The following ERC2 variants were observed in gnomAD, a reference collection of about 807,000 sequenced individuals.
ERC2 encodes ELKS/RAB6-interacting/CAST family member 2.
A neutral mutation model predicts 114.8 loss-of-function variants in ERC2; 42 were observed. The observed-to-expected ratio is 0.37, with a 90% confidence interval of 0.29 to 0.47. The LOEUF (loss-of-function observed/expected upper bound fraction) is 0.47, where lower values mean the gene tolerates loss of function less well. Ranked by LOEUF, ERC2 falls within the 20% of genes least tolerant of loss-of-function variation. The pLI is 0.99. For missense variants in ERC2, 939 were observed against 1,150.7 expected (o/e 0.82, Z 2.66); for synonymous variants, 454 against 425.5 (o/e 1.07, Z -0.82).
rs530304371 is a variant in ERC2, at chr3:56,011,736, G to A, written c.1780-1147C>T. Among the ~76,000 whole-genome samples the A allele has an allele frequency of 6.9e-4, 105 of 152,198 alleles. 1 individual carries two copies. Among genetic ancestry groups the A allele is most frequent in the South Asian group, 1.2e-3 (6 of 4,822 alleles). ...TCTAAACTTCCTCTCGGATGGCCAT[G>A]TTAAAAAATACTGGTGCAACAACTG... On this transcript the variant is annotated intron_variant, in intron 8 of 17. Transcript: ENST00000288221.
At chr3:55,572,281 C>T (rs938136229) in intron 17 of ERC2, among the ~76,000 whole-genome samples, 42 of 152,306 alleles carry the variant, frequency 2.8e-4, no homozygotes, top group African/African-American at 9.4e-4. Context: ...CACCTCGGTC[C>T]CTGGGCCAGC....
rs1218649808 is a variant in ERC2, at chr3:55,743,542, T to C, written c.2565-8624A>G. ...ATGGGAGGGACCATTGTCCCAGGTC[T>C]TGGCAGTGGACATGTGTGAGGCATT... On this transcript the variant is annotated intron_variant, in intron 14 of 17. Transcript: ENST00000288221. Among the ~76,000 whole-genome samples, 3 of 145,994 alleles carry C rather than the reference T, an allele frequency of 2.1e-5. No homozygotes were observed. The East Asian group carries it at 6.1e-4, about 30-fold the overall frequency.
chr3:56,038,538 A>G (rs2074945963), intron 7 of ERC2, among the ~76,000 whole-genome samples: 1 of 152,152 alleles, frequency 6.6e-6, no homozygotes, highest in Non-Finnish European at 1.5e-5. Flanking sequence ...TTCCTCAAAG[A>G]CCTAGAACCA....
intron 13 of ERC2, among the ~76,000 whole-genome samples, chr3:55,918,569 C>A (rs2065234418): frequency 6.6e-6 from 1 of 151,784 alleles, no homozygotes; most frequent in Admixed American, 6.6e-5. Flanking sequence ...CTTGCTTAGA[C>A]CAATAGAATG....
intron 14 of ERC2, among the ~76,000 whole-genome samples, chr3:55,816,322 G>A (rs147522117): frequency 1.3e-5 from 2 of 152,164 alleles, no homozygotes; most frequent in Non-Finnish European, 2.9e-5. Flanking sequence ...GAAAGCTGCT[G>A]AAAGTTAGCA....
At chr3:56,323,745 G>A (rs2057231986) in intron 2 of ERC2, among the ~76,000 whole-genome samples, 2 of 152,030 alleles carry the variant, frequency 1.3e-5, no homozygotes, top group East Asian at 3.9e-4. Context: ...AATATCTAAG[G>A]GCAGCCAGCC....
chr3:55,752,936 A>C (rs1383630267), intron 14 of ERC2, among the ~76,000 whole-genome samples: 1 of 152,198 alleles, frequency 6.6e-6, no homozygotes, highest in Non-Finnish European at 1.5e-5. Context: ...CGTCAGTAAG[A>C]GCAGCCGACC....
At chr3:55,699,914 T>C (rs1026254768) in intron 15 of ERC2, among the ~76,000 whole-genome samples, 4 of 152,046 alleles carry the variant, frequency 2.6e-5, no homozygotes, top group African/African-American at 9.7e-5. Context: ...TATGGAAAGA[T>C]GGGAAGGGCT....
intron 17 of ERC2, among the ~76,000 whole-genome samples, chr3:55,569,926 C>T (rs1214483328): frequency 6.9e-6 from 1 of 145,724 alleles, no homozygotes; most frequent in East Asian, 2.0e-4. Flanking sequence ...GGTGCAATCT[C>T]AGTTCACTGC....
At chr3:55,562,147 C>T (rs1395292392) in intron 17 of ERC2, among the ~76,000 whole-genome samples, 3 of 152,078 alleles carry the variant, frequency 2.0e-5, no homozygotes, top group South Asian at 2.1e-4. Context: ...AAAATTCTCC[C>T]GCTGCCTTCT....
chr3:55,955,246 G>GA (rs2067865430), intron 12 of ERC2: 1 of 430,694 alleles, frequency 2.3e-6, no homozygotes, highest in African/African-American at 2.6e-5. Flanking sequence ...ATGGTGGTGT[G>GA]TTTGTGTGTG....
At chr3:56,244,206 G>A (rs1383157008) in intron 3 of ERC2, among the ~76,000 whole-genome samples, 5 of 152,008 alleles carry the variant, frequency 3.3e-5, no homozygotes, top group Non-Finnish European at 7.4e-5. Flanking sequence ...ACAGCAGCAC[G>A]AGGCATTACT....
intron 12 of ERC2, among the ~76,000 whole-genome samples, chr3:55,972,494 T>G (rs2069241808): frequency 6.6e-6 from 1 of 152,212 alleles, no homozygotes; most frequent in African/African-American, 2.4e-5. Flanking sequence ...ATTCTCACTA[T>G]TCAACTCCCA....
At chr3:55,546,000 A>G (rs962754847) in intron 17 of ERC2, among the ~76,000 whole-genome samples, 1 of 152,188 alleles carries the variant, frequency 6.6e-6, no homozygotes, top group African/African-American at 2.4e-5. Flanking sequence ...AAGAGAATAC[A>G]TGGACGGAAA....
intron 2 of ERC2, among the ~76,000 whole-genome samples, chr3:56,309,660 C>T (rs1046649028): frequency 1.9e-4 from 29 of 152,134 alleles, no homozygotes; most frequent in African/African-American, 7.0e-4. Flanking sequence ...GCTACTCATC[C>T]GTAAACAGGA....
chr3:56,098,793 C>T (rs1390348431), intron 6 of ERC2, among the ~76,000 whole-genome samples: 1 of 152,120 alleles, frequency 6.6e-6, no homozygotes, highest in Non-Finnish European at 1.5e-5. Context: ...TTTGGGGAGC[C>T]ATGGCATGCC....
intron 12 of ERC2, among the ~76,000 whole-genome samples, chr3:55,952,330 A>G (rs183296462): frequency 6.6e-6 from 1 of 151,672 alleles, no homozygotes; most frequent in African/African-American, 2.4e-5. Flanking sequence ...CCATCTCCTT[A>G]GTCTTTGAGT....
At chr3:56,372,405 T>C (rs980932179) in intron 2 of ERC2, among the ~76,000 whole-genome samples, 1 of 152,138 alleles carries the variant, frequency 6.6e-6, no homozygotes, top group Non-Finnish European at 1.5e-5. Context: ...GAACGCTTTG[T>C]AAAGATTAGG....
intron 4 of ERC2, among the ~76,000 whole-genome samples, chr3:56,154,449 G>C (rs2081588126): frequency 6.6e-6 from 1 of 152,040 alleles, no homozygotes; most frequent in African/African-American, 2.4e-5. Context: ...GGTCTTATTT[G>C]CCTGCTTCTG....
Sources: gnomAD v4.1 joint callset for allele counts (sites outside exome capture counted in the v4.1 genomes callset) on GRCh38, gnomAD v4.1.1 for gene constraint, MANE v1.5 for transcripts, NCBI Gene and HGNC (gene_info 2026-07-23, HGNC 2026-07-21) for gene names.